Variants in ARHGAP19 observed in about 807,000 individuals in gnomAD.
The protein encoded by ARHGAP19 is Rho GTPase activating protein 19.
ARHGAP19 carries 48 observed loss-of-function variants against 60.9 expected under a neutral mutation model. That is an observed-to-expected ratio of 0.79 (90% CI 0.62 to 1.00). The LOEUF (loss-of-function observed/expected upper bound fraction) is 1.00. Ranked by LOEUF, ARHGAP19 falls within the 50% of genes least tolerant of loss-of-function variation. The pLI, the probability that ARHGAP19 is intolerant of heterozygous loss-of-function variation, is 0.00. For missense variants in ARHGAP19, 562 were observed against 597.2 expected (o/e 0.94, Z 0.61); for synonymous variants, 209 against 215.5 (o/e 0.97, Z 0.27).
At chr10:97,291,272 AAAAC>A (rs1277077002) in intron 1 of ARHGAP19, among the ~76,000 whole-genome samples, 6 of 152,170 alleles carry the variant, frequency 3.9e-5, no homozygotes, top group Non-Finnish European at 1.5e-5. Flanking sequence ...CTGCAAAACA[AAAAC>A]AAAACAAAAC....
chr10:97,228,732 G>A (rs1378259601), intron 11 of ARHGAP19, among the ~76,000 whole-genome samples: 1 of 152,212 alleles, frequency 6.6e-6, no homozygotes, highest in Non-Finnish European at 1.5e-5. Flanking sequence ...GGCACGAGCT[G>A]TTGATCTAGA....
chr10:97,269,491 A>T (rs1842936826), intron 1 of ARHGAP19, among the ~76,000 whole-genome samples: 1 of 152,240 alleles, frequency 6.6e-6, no homozygotes, highest in African/African-American at 2.4e-5. Context: ...TTCAAATGCC[A>T]ATGATGATAA....
intron 6 of ARHGAP19, among the ~76,000 whole-genome samples, chr10:97,254,565 TA>T (rs1321270017): frequency 1.3e-5 from 2 of 152,128 alleles, no homozygotes; most frequent in African/African-American, 4.8e-5. Context: ...ACATAAGACC[TA>T]AAACTATAAA....
chr10:97,284,855 C>CT (rs768979699), intron 1 of ARHGAP19, among the ~76,000 whole-genome samples: 1,581 of 124,120 alleles, frequency 0.013, 44 homozygotes, highest in African/African-American at 0.041. Context: ...AAAGCATATA[C>CT]TTTTTTTTTT....
intron 1 of ARHGAP19, among the ~76,000 whole-genome samples, chr10:97,291,179 C>T (rs1289479740): frequency 1.3e-5 from 2 of 152,232 alleles, no homozygotes; most frequent in African/African-American, 2.4e-5. Context: ...GCATTAGAGC[C>T]AGCAACGGCC....
intron 9 of ARHGAP19, among the ~76,000 whole-genome samples, chr10:97,234,476 A>C (rs1383572114): frequency 1.3e-5 from 2 of 151,930 alleles, no homozygotes; most frequent in African/African-American, 4.8e-5. Flanking sequence ...TCTTCCAAAA[A>C]AGAAAAATAG....
chr10:97,250,663 C>A (rs932570444), intron 6 of ARHGAP19, among the ~76,000 whole-genome samples: 1 of 151,666 alleles, frequency 6.6e-6, no homozygotes, highest in Non-Finnish European at 1.5e-5. Context: ...CAGGAGTGAG[C>A]CACCACGCCC....
chr10:97,231,821 C>T (rs1275440703), intron 9 of ARHGAP19, among the ~76,000 whole-genome samples: 7 of 151,954 alleles, frequency 4.6e-5, no homozygotes, highest in East Asian at 3.9e-4. Flanking sequence ...GGTTATATAC[C>T]GGGAGTAGCA....
At position 97,225,880 on chromosome 10, in the gene ARHGAP19, T is replaced by C. The variant is rs1288347863; in HGVS notation, c.*242A>G. 5.6e-6 allele frequency: 3 copies of C among 531,034 alleles called. No homozygotes were observed. The highest frequency in any genetic ancestry group is 1.0e-5 in the Non-Finnish European group (3 of 299,522). The allele number at this position is 531,034 out of a possible 1,614,324, so 32.9% of individuals were successfully genotyped here. On this transcript the variant is annotated 3_prime_UTR_variant, in exon 12 of 12. Coordinates refer to ENST00000358531, the MANE Select transcript of ARHGAP19 (RefSeq NM_032900.6). The stretch of plus-strand genomic sequence containing the variant: ...CTGTATAAGCTGGTTGGATAGTTAG[T>C]GGTTTCCCCATAATATTAAAAAAGA...
Position 97,229,745 on chromosome 10 carries a change from C to A in ARHGAP19, c.1395+19G>T, listed in dbSNP as rs1291934627. On this transcript the variant is annotated intron_variant, in intron 10 of 11. Transcript: ENST00000358531. ...AAATATATACAGACAGACAGACAGT[C>A]CAAAGAACAGTGTCTTACTAAGTTC... 5.9e-6 allele frequency: 9 copies of A among 1,515,212 alleles called. No homozygotes were observed. In the South Asian group the frequency reaches 1.0e-4, roughly 17 times the overall value. The allele number at this position is 1,515,212 out of a possible 1,614,324, so 93.9% of individuals were successfully genotyped here. A position where few individuals can be genotyped will look rare whatever the true frequency, so the allele number is the denominator to read the frequency against.
chr10:97,253,659 A>G (rs1451685625), intron 6 of ARHGAP19, among the ~76,000 whole-genome samples: 1 of 152,194 alleles, frequency 6.6e-6, no homozygotes, highest in Non-Finnish European at 1.5e-5. Context: ...TCCCCAACAC[A>G]TAGAAATGAC....
intron 6 of ARHGAP19, among the ~76,000 whole-genome samples, chr10:97,248,911 G>A (rs530347384): frequency 3.3e-5 from 5 of 152,150 alleles, no homozygotes; most frequent in East Asian, 1.9e-4. Flanking sequence ...TCCACCTCCC[G>A]GGCTCAAGCC....
chr10:97,281,013 T>C (rs984295530), intron 1 of ARHGAP19, among the ~76,000 whole-genome samples: 1 of 152,184 alleles, frequency 6.6e-6, no homozygotes, highest in Non-Finnish European at 1.5e-5. Context: ...ACACATACTA[T>C]CCAAGAGACA....
At position 97,283,000 on chromosome 10, in the gene ARHGAP19, G is replaced by A. The variant is rs1047905957; in HGVS notation, c.56+9572C>T. On this transcript the variant is annotated intron_variant, in intron 1 of 11. Transcript: ENST00000358531. The stretch of plus-strand genomic sequence containing the variant: ...TGGGATTACAGGCGTCTGCCACCAC[G>A]CCTGGCTAATTTTTGTATTTTTAGT... 3.3e-5 allele frequency among the ~76,000 whole-genome samples: 5 copies of A among 150,988 alleles called. No homozygotes were observed. In the East Asian group the frequency reaches 6.0e-4, roughly 18 times the overall value.
chr10:97,246,168 C>T (rs1301805510), intron 7 of ARHGAP19, 104 bp downstream of exon 7: 12 of 961,450 alleles, frequency 1.2e-5, no homozygotes, highest in Non-Finnish European at 1.8e-5. Context: ...AATACTAAAA[C>T]TTATTATTTT....
intron 1 of ARHGAP19, among the ~76,000 whole-genome samples, chr10:97,272,917 T>A (rs191960841): frequency 1.7e-3 from 254 of 151,358 alleles, no homozygotes; most frequent in African/African-American, 5.9e-3. Context: ...CTCGGCTGAC[T>A]GCAAGCTCTG....
chr10:97,272,351 T>G (rs934697567), intron 1 of ARHGAP19, among the ~76,000 whole-genome samples: 3 of 151,938 alleles, frequency 2.0e-5, no homozygotes, highest in African/African-American at 7.2e-5. Flanking sequence ...CCCAGGCTGG[T>G]CTCGAACTCC....
chr10:97,251,228 G>GAATGGAAGGGA (rs1842646499), intron 6 of ARHGAP19, among the ~76,000 whole-genome samples: 1 of 31,880 alleles, frequency 3.1e-5, no homozygotes, highest in Non-Finnish European at 5.8e-5. Context: ...AATGGAAGGG[G>GAATGGAAGGGA]AAGGGAAGGG....
chr10:97,255,983 C>T (rs567146094), intron 6 of ARHGAP19, among the ~76,000 whole-genome samples: 1 of 152,218 alleles, frequency 6.6e-6, no homozygotes, highest in South Asian at 2.1e-4. Context: ...CAAAATGACC[C>T]CCAAAATTCT....
Sources: allele counts gnomAD v4.1 joint callset (sites outside exome capture counted in the v4.1 genomes callset), GRCh38; gene constraint gnomAD v4.1.1; transcripts MANE v1.5; gene names NCBI Gene and HGNC (gene_info 2026-07-23, HGNC 2026-07-21).